Variants in GDPD4 observed in about 807,000 individuals in gnomAD.
GDPD4 encodes the protein glycerophosphodiester phosphodiesterase 6.
GDPD4 carries 60 observed loss-of-function variants against 67.8 expected under a neutral mutation model. The ratio of observed to expected loss-of-function variants is 0.88; its 90% CI spans 0.72 to 1.10. GDPD4 has a LOEUF of 1.10. GDPD4 is among the 50% of genes least tolerant of loss of function. The pLI is 0.00. For synonymous variants in GDPD4, 212 were observed against 210.9 expected (o/e 1.00, Z -0.04); for missense variants, 623 against 613.9 (o/e 1.01, Z -0.16).
rs745940525 is a variant in GDPD4 at position 77,217,097 on chromosome 11, G to T, written c.*180C>A. The T allele has an allele frequency of 1.4e-6, 1 of 709,460 alleles. No homozygotes were observed. The highest frequency in any genetic ancestry group is 2.6e-6 in the Non-Finnish European group (1 of 386,260). 43.9% of individuals were successfully genotyped at this position (709,460 alleles called of 1,614,324 possible). On this transcript the variant is annotated 3_prime_UTR_variant, in exon 17 of 17. Coordinates refer to ENST00000315938, the MANE Select transcript of GDPD4 (RefSeq NM_182833.3). Reference sequence around the variant, plus strand: ...CGGTGGTTGAATCTCATGCTTGCCAGGCTTCAAAGGTGTGACAGCATTCTT... The same window carrying T: ...CGGTGGTTGAATCTCATGCTTGCCATGCTTCAAAGGTGTGACAGCATTCTT...
rs147753801 is a variant in GDPD4 at position 77,216,711 on chromosome 11, T to C, written c.*566A>G. ...CTAGCCCCTTGAGATGCATTCTTGA[T>C]AGCGAGAGCACAATGGTTCCCCTGA... On this transcript the variant is annotated 3_prime_UTR_variant, in exon 17 of 17. Transcript: ENST00000315938. The C allele has an allele frequency of 3.5e-6, 2 of 575,152 alleles. No homozygotes were observed. The highest frequency in any genetic ancestry group is 3.1e-6 in the Non-Finnish European group (1 of 323,684). 35.6% of individuals were successfully genotyped at this position (575,152 alleles called of 1,614,324 possible).
At chr11:77,276,326 T>C (rs1959467720) in intron 4 of GDPD4, 106 bp from the exon 5 acceptor site, 1 of 831,140 alleles carries the variant, frequency 1.2e-6, no homozygotes. Context: ...AGCAGTACAC[T>C]CATTTCTTGC....
intron 16 of GDPD4, among the ~76,000 whole-genome samples, chr11:77,217,834 A>G (rs1031189437): frequency 3.9e-5 from 6 of 152,218 alleles, no homozygotes; most frequent in Non-Finnish European, 7.3e-5. Context: ...AGACAAATTA[A>G]AAACTGGATG....
chr11:77,233,186 A>G lies in GDPD4; in HGVS notation c.1242-14T>C. 2 of 1,611,546 alleles carry G rather than the reference A, an allele frequency of 1.2e-6. No individual in the cohort carries two copies. The highest frequency in any genetic ancestry group is 3.3e-4 in the Middle Eastern group (2 of 6,056). On this transcript the variant is annotated splice_polypyrimidine_tract_variant and intron_variant, in intron 13 of 16. Transcript: ENST00000315938. ...GCTTTATAATCTCTGGAACAAAAAC[A>G]GAACCCACAGGGGATTTAGATCAAG...
chr11:77,285,866 G>T (rs1032557443), intron 2 of GDPD4, among the ~76,000 whole-genome samples: 3 of 152,176 alleles, frequency 2.0e-5, no homozygotes, highest in African/African-American at 4.8e-5. Context: ...CAAAATGGAG[G>T]TTATCATTAT....
intron 7 of GDPD4, 86 bp from the exon 8 acceptor site, chr11:77,270,046 T>C: frequency 1.5e-6 from 1 of 663,182 alleles, no homozygotes; most frequent in Non-Finnish European, 2.6e-6. Context: ...AAATTTACCC[T>C]CCACACACAA....
At chr11:77,240,735 C>G (rs1193829810) in intron 13 of GDPD4, among the ~76,000 whole-genome samples, 3 of 151,952 alleles carry the variant, frequency 2.0e-5, no homozygotes, top group Non-Finnish European at 4.4e-5. Flanking sequence ...AGCAAAAAAA[C>G]AAATAACCCA....
intron 1 of GDPD4, among the ~76,000 whole-genome samples, chr11:77,294,477 C>T (rs1244551887): frequency 6.6e-6 from 1 of 152,052 alleles, no homozygotes; most frequent in Non-Finnish European, 1.5e-5. Context: ...TCAAAGAAGA[C>T]TCAAGTAAAG....
intron 11 of GDPD4, among the ~76,000 whole-genome samples, chr11:77,252,148 C>G (rs752414342): frequency 1.3e-5 from 2 of 150,104 alleles, no homozygotes; most frequent in Non-Finnish European, 3.0e-5. Flanking sequence ...ACTGCAACCT[C>G]CCCCTCCCGG....
At chr11:77,296,490 T>C (rs1937969467) in intron 1 of GDPD4, among the ~76,000 whole-genome samples, 1 of 150,360 alleles carries the variant, frequency 6.7e-6, no homozygotes, top group Non-Finnish European at 1.5e-5. Context: ...TCGGATAATT[T>C]TTTGTATTTT....
chr11:77,285,612 G>A (rs1368172520), intron 2 of GDPD4, among the ~76,000 whole-genome samples: 1 of 152,198 alleles, frequency 6.6e-6, no homozygotes, highest in Non-Finnish European at 1.5e-5. Context: ...CCCCATTGGA[G>A]AAGAAAGGGG....
intron 1 of GDPD4, among the ~76,000 whole-genome samples, chr11:77,288,317 C>G (rs1960075573): frequency 6.6e-6 from 1 of 152,188 alleles, no homozygotes; most frequent in Admixed American, 6.5e-5. Context: ...CTGCCAGTAC[C>G]CAAGCAAGCC....
chr11:77,289,663 G>A (rs1302378880), intron 1 of GDPD4, among the ~76,000 whole-genome samples: 4 of 151,318 alleles, frequency 2.6e-5, no homozygotes, highest in African/African-American at 4.9e-5. Flanking sequence ...CCTGGAAGGC[G>A]GAGGTTGCAG....
At chr11:77,256,921 G>C (rs539248833) in intron 11 of GDPD4, among the ~76,000 whole-genome samples, 21 of 152,120 alleles carry the variant, frequency 1.4e-4, no homozygotes, top group Non-Finnish European at 2.5e-4. Context: ...CCCAGTCTCA[G>C]GTATTCCTTT....
At chr11:77,235,016 T>G (rs76891023) in intron 13 of GDPD4, among the ~76,000 whole-genome samples, 105 of 119,210 alleles carry the variant, frequency 8.8e-4, no homozygotes, top group African/African-American at 3.5e-3. Context: ...TCTGTTTTTT[T>G]TTTTTTTTTT....
At chr11:77,298,644 G>A (rs1010529055) in intron 1 of GDPD4, among the ~76,000 whole-genome samples, 1 of 152,166 alleles carries the variant, frequency 6.6e-6, no homozygotes, top group Non-Finnish European at 1.5e-5. Context: ...TGCTCTTAGA[G>A]ACAATAGGTG....
intron 2 of GDPD4, among the ~76,000 whole-genome samples, chr11:77,286,064 T>C (rs916173386): frequency 5.3e-5 from 8 of 152,196 alleles, no homozygotes; most frequent in African/African-American, 1.7e-4. Flanking sequence ...CCACACAACA[T>C]TGGACCCATC....
At chr11:77,271,491 C>T (rs1469732525) in intron 5 of GDPD4, 98 bp from the exon 6 acceptor site, 2 of 694,014 alleles carry the variant, frequency 2.9e-6, no homozygotes, top group Non-Finnish European at 5.1e-6. Flanking sequence ...TGTCAGGGAC[C>T]TTATCTGCTT....
intron 10 of GDPD4, among the ~76,000 whole-genome samples, chr11:77,266,620 G>A (rs1049704621): frequency 6.6e-6 from 1 of 152,164 alleles, no homozygotes; most frequent in Admixed American, 6.6e-5. Context: ...ACCGCTCCAT[G>A]CATGTTATCC....
Sources: gnomAD v4.1 joint callset for allele counts (sites outside exome capture counted in the v4.1 genomes callset) on GRCh38, gnomAD v4.1.1 for gene constraint, MANE v1.5 for transcripts, NCBI Gene and HGNC (gene_info 2026-07-23, HGNC 2026-07-21) for gene names.